PKD1L1: variants seen among roughly 807,000 people sequenced by gnomAD.
PKD1L1 encodes the protein polycystin-1-like protein 1.
A neutral mutation model predicts 323.4 loss-of-function variants in PKD1L1; 236 were observed. The observed-to-expected ratio is 0.73, with a 90% CI of 0.66 to 0.81. PKD1L1 has a LOEUF of 0.81. PKD1L1 is among the 40% of genes least tolerant of loss of function. The pLI is 0.00. For missense variants in PKD1L1, 3,320 were observed against 3,508.0 expected (o/e 0.95, Z 1.35); for synonymous variants, 1,344 against 1,335.0 (o/e 1.01, Z -0.15).
At chr7:47,941,124 C>T (rs1310936849) in intron 2 of PKD1L1, among the ~76,000 whole-genome samples, 1 of 152,218 alleles carries the variant, frequency 6.6e-6, no homozygotes, top group African/African-American at 2.4e-5. Flanking sequence ...TTCCCTGAAG[C>T]CCCCACCCCT....
At chr7:47,882,447 A>C (rs1487079364) in intron 19 of PKD1L1, among the ~76,000 whole-genome samples, 1 of 152,156 alleles carries the variant, frequency 6.6e-6, no homozygotes, top group African/African-American at 2.4e-5. Flanking sequence ...AGTCCAAAAA[A>C]TAAATGAGAA....
chr7:47,811,771 A>G, intron 50 of PKD1L1, 46 bp downstream of exon 50: 1 of 1,490,734 alleles, frequency 6.7e-7, no homozygotes, highest in Non-Finnish European at 9.1e-7. Flanking sequence ...GTGAAGCCCC[A>G]TCTTCCTGTG....
chr7:47,873,833 G>A, intron 24 of PKD1L1, 66 bp downstream of exon 24: 1 of 1,252,046 alleles, frequency 8.0e-7, no homozygotes, highest in Non-Finnish European at 1.1e-6. Context: ...ACAACTTGGG[G>A]GAGAGCCAAC....
the PKD1L1 span, among the ~76,000 whole-genome samples, chr7:47,954,809 T>C: frequency 1.3e-5 from 2 of 152,200 alleles, no homozygotes; most frequent in Non-Finnish European, 2.9e-5. Flanking sequence ...AGAGGCTGAA[T>C]GACTTGCCCC....
intron 56 of PKD1L1, among the ~76,000 whole-genome samples, chr7:47,780,400 G>T (rs1159983815): frequency 6.6e-6 from 1 of 152,158 alleles, no homozygotes; most frequent in Admixed American, 6.5e-5. Flanking sequence ...AGGAGGCTGA[G>T]GTGGGTGGAT....
At chr7:47,880,284 A>ATATATATATATAT in intron 21 of PKD1L1, among the ~76,000 whole-genome samples, 1 of 56,782 alleles carries the variant, frequency 1.8e-5, no homozygotes, top group South Asian at 7.3e-4. Context: ...ATATATATAT[A>ATATATATATATAT]TTTTTTTTTT....
intron 50 of PKD1L1, among the ~76,000 whole-genome samples, chr7:47,810,852 T>C (rs1387377316): frequency 6.6e-6 from 1 of 152,172 alleles, no homozygotes. Flanking sequence ...TGTGTTCCCT[T>C]GAATTCACAG....
chr7:47,777,723 G>T (rs1266104310), intron 56 of PKD1L1, among the ~76,000 whole-genome samples: 1 of 152,126 alleles, frequency 6.6e-6, no homozygotes, highest in Non-Finnish European at 1.5e-5. Flanking sequence ...AGCAAAACAG[G>T]ATCCAGGTTT....
intron 56 of PKD1L1, among the ~76,000 whole-genome samples, chr7:47,784,847 C>T (rs1786773197): frequency 6.6e-6 from 1 of 152,174 alleles, no homozygotes; most frequent in Non-Finnish European, 1.5e-5. Context: ...AAGAGTAATT[C>T]AGAAGTACTC....
At chr7:47,802,345 G>T (rs1295350683) in intron 53 of PKD1L1, among the ~76,000 whole-genome samples, 1 of 152,204 alleles carries the variant, frequency 6.6e-6, no homozygotes, top group African/African-American at 2.4e-5. Flanking sequence ...GGAGGCAGAG[G>T]TTGGGCAAAT....
intron 52 of PKD1L1, among the ~76,000 whole-genome samples, chr7:47,807,763 G>A (rs1784811722): frequency 6.6e-6 from 1 of 152,184 alleles, no homozygotes; most frequent in Non-Finnish European, 1.5e-5. Flanking sequence ...TGCAGGAAGG[G>A]CTGCCTAGGG....
chr7:47,834,272 C>T (rs1050276227), intron 40 of PKD1L1, 67 bp downstream of exon 40: 1 of 1,503,428 alleles, frequency 6.7e-7, no homozygotes, highest in South Asian at 1.2e-5. Context: ...AGGGAGGATG[C>T]CAGAGAAATC....
At chr7:47,804,245 T>A (rs569944100) in intron 52 of PKD1L1, among the ~76,000 whole-genome samples, 197 of 152,206 alleles carry the variant, frequency 1.3e-3, no homozygotes, top group South Asian at 2.7e-3. Flanking sequence ...CCGCACATGG[T>A]TGAATGGGGG....
At chr7:47,821,295 G>A in intron 45 of PKD1L1, 109 bp from the exon 46 acceptor site, 1 of 601,398 alleles carries the variant, frequency 1.7e-6, no homozygotes, top group East Asian at 3.1e-5. Context: ...TTGAGACGGA[G>A]TCTCACTCTG....
In PKD1L1 at chr7:47,946,144, C is replaced by T. The variant is rs1788089178; in HGVS notation, c.44+2253G>A. On this transcript the variant is annotated intron_variant, in intron 1 of 56. Transcript: ENST00000289672. The surrounding 1 kb of genome is among the most constrained non-coding windows in gnomAD (Gnocchi z 4.1). ...TTTTCACAGAGGTACCTGGCTTCCT[C>T]TTAGTTAACTGTGACTGTCGGGGAA... 6.6e-6 allele frequency among the ~76,000 whole-genome samples: 1 copy of T among 152,156 alleles called. No homozygotes were observed. Among genetic ancestry groups the T allele is most frequent in the South Asian group, 2.1e-4 (1 of 4,824 alleles).
intron 8 of PKD1L1, among the ~76,000 whole-genome samples, chr7:47,909,649 A>G (rs1787277426): frequency 6.6e-6 from 1 of 152,210 alleles, no homozygotes; most frequent in South Asian, 2.1e-4. Context: ...CAAAGGACCA[A>G]TCAAGTTTAC....
At chr7:47,943,576 T>C (rs1788041732) in intron 1 of PKD1L1, 65 bp from the exon 2 acceptor site, 3 of 1,276,456 alleles carry the variant, frequency 2.4e-6, no homozygotes, top group Middle Eastern at 1.9e-4. Context: ...ACAGACATCC[T>C]GTGACCACTC....
At chr7:47,876,761 A>G (rs991057845) in intron 22 of PKD1L1, among the ~76,000 whole-genome samples, 3 of 152,076 alleles carry the variant, frequency 2.0e-5, no homozygotes, top group African/African-American at 4.8e-5. Context: ...CTGCCTGCCC[A>G]TCACCTGAGG....
At chr7:47,917,908 AT>A (rs1192314841) in intron 7 of PKD1L1, among the ~76,000 whole-genome samples, 5 of 152,240 alleles carry the variant, frequency 3.3e-5, no homozygotes, top group African/African-American at 1.2e-4. Flanking sequence ...CAAAACTACA[AT>A]TAAAAAAACC....
Sources: allele counts gnomAD v4.1 joint callset (sites outside exome capture counted in the v4.1 genomes callset), GRCh38; gene constraint gnomAD v4.1.1; non-coding constraint Gnocchi (gnomAD v3.1); transcripts MANE v1.5; gene names NCBI Gene and HGNC (gene_info 2026-07-23, HGNC 2026-07-21).